Variants in HMGN5 observed in about 807,000 individuals in gnomAD.
The protein encoded by HMGN5 is high mobility group nucleosome-binding domain-containing protein 5.
Under a neutral mutation model 9.5 loss-of-function variants are expected in HMGN5, and 4 were observed. The observed-to-expected ratio is 0.42, with a 90% CI of 0.21 to 0.96. The LOEUF is 0.96. HMGN5 is among the 40% of genes least tolerant of loss of function. The pLI is 0.30. For synonymous variants in HMGN5, 55 were observed against 57.1 expected (o/e 0.96, Z 0.16); for missense variants, 192 against 187.5 (o/e 1.02, Z -0.14).
intron 1 of HMGN5, among the ~76,000 whole-genome samples, chrX:81,179,720 A>G (rs1199721651): frequency 7.2e-5 from 8 of 111,879 alleles, no homozygotes. Context: ...TTCATGTGGA[A>G]CCAAAAAAGA....
At position 81,154,106 on chromosome X, in the gene HMGN5, A is replaced by G. The variant is rs762649061; in HGVS notation, c.-123-32434T>C. 8.1e-5 allele frequency among the ~76,000 whole-genome samples: 9 copies of G among 111,093 alleles called. No homozygotes were observed. In the South Asian group the frequency reaches 3.4e-3, roughly 42 times the overall value. On this transcript the variant is annotated intron_variant, in intron 1 of 6. Coordinates refer to ENST00000358130, the MANE Select transcript of HMGN5 (RefSeq NM_030763.3). ...AAAACTGGAGGAATCCTATTACCTCACTTTAAATTCTACAGAGCTTTAGTA... is the reference window on the plus strand; with the variant it reads ...AAAACTGGAGGAATCCTATTACCTCGCTTTAAATTCTACAGAGCTTTAGTA...
intron 1 of HMGN5, among the ~76,000 whole-genome samples, chrX:81,192,754 AC>A (rs1450429941): frequency 1.8e-5 from 2 of 112,109 alleles, no homozygotes; most frequent in Non-Finnish European, 1.9e-5. Context: ...TTCTATGCTG[AC>A]AGTTATTATT....
At chrX:81,152,766 C>T (rs2075367526) in intron 1 of HMGN5, among the ~76,000 whole-genome samples, 1 of 109,348 alleles carries the variant, frequency 9.1e-6, no homozygotes, top group South Asian at 4.1e-4. Flanking sequence ...CAATGATAGA[C>T]TGGGTTAAGA....
intron 1 of HMGN5, among the ~76,000 whole-genome samples, chrX:81,171,645 T>C (rs778339197): frequency 1.2e-4 from 13 of 111,955 alleles, no homozygotes; most frequent in African/African-American, 4.2e-4. Context: ...GTTAAAGGTA[T>C]ACAACTGGAA....
At chrX:81,177,965 C>T (rs2075448295) in intron 1 of HMGN5, among the ~76,000 whole-genome samples, 1 of 112,016 alleles carries the variant, frequency 8.9e-6, no homozygotes, top group African/African-American at 3.2e-5. Flanking sequence ...TGAGTGACTA[C>T]TGGGTATGTA....
At chrX:81,115,401 T>C (rs1180038073) in intron 6 of HMGN5, among the ~76,000 whole-genome samples, 171 bp from the exon 7 acceptor site, 1 of 112,128 alleles carries the variant, frequency 8.9e-6, no homozygotes, top group Non-Finnish European at 1.9e-5. Context: ...GAGAAAACAT[T>C]CTAAGAAATG....
intron 1 of HMGN5, among the ~76,000 whole-genome samples, chrX:81,165,416 C>T (rs1947712546): frequency 9.0e-6 from 1 of 110,735 alleles, no homozygotes; most frequent in South Asian, 3.9e-4. Flanking sequence ...TAATTTTAGC[C>T]TTTTCGAGTC....
rs760488228 is a variant in HMGN5 at position 81,161,834 on chromosome X, G to T, written c.-124+39903C>A. On this transcript the variant is annotated intron_variant, in intron 1 of 6. Transcript: ENST00000358130. Reference sequence around the variant, plus strand: ...TATAGAGATGTGTAAAATACCACTTGGCTTCTTTTCACTGCATATGATAAA... The same window carrying T: ...TATAGAGATGTGTAAAATACCACTTTGCTTCTTTTCACTGCATATGATAAA... 4.9e-4 allele frequency among the ~76,000 whole-genome samples: 54 copies of T among 109,797 alleles called. 1 individual carries two copies. The highest frequency in any genetic ancestry group is 1.7e-3 in the African/African-American group (50 of 28,966).
intron 1 of HMGN5, among the ~76,000 whole-genome samples, chrX:81,155,122 T>A (rs2075379577): frequency 1.0e-5 from 1 of 99,002 alleles, no homozygotes. Context: ...CATACACATA[T>A]ATATATATAT....
At chrX:81,145,194 C>A (rs1320435342) in intron 1 of HMGN5, among the ~76,000 whole-genome samples, 1 of 111,620 alleles carries the variant, frequency 9.0e-6, no homozygotes, top group African/African-American at 3.3e-5. Context: ...GATACATAAT[C>A]ATCAGATTCA....
intron 1 of HMGN5, among the ~76,000 whole-genome samples, chrX:81,198,786 A>C (rs1216272962): frequency 8.9e-6 from 1 of 111,848 alleles, no homozygotes; most frequent in Non-Finnish European, 1.9e-5. Context: ...GAATGGACAA[A>C]AACTGGAAGC....
intron 1 of HMGN5, among the ~76,000 whole-genome samples, chrX:81,139,103 T>C (rs1236047362): frequency 8.9e-6 from 1 of 112,261 alleles, no homozygotes; most frequent in Non-Finnish European, 1.9e-5. Flanking sequence ...TTTGTAGACA[T>C]AGACATAAAC....
intron 1 of HMGN5, among the ~76,000 whole-genome samples, chrX:81,135,950 T>C (rs1469607742): frequency 9.0e-6 from 1 of 111,149 alleles, no homozygotes; most frequent in South Asian, 3.8e-4. Context: ...AAACAGGTTG[T>C]GTTATAAAAC....
intron 1 of HMGN5, among the ~76,000 whole-genome samples, chrX:81,143,637 G>A (rs1323147216): frequency 2.7e-5 from 3 of 112,215 alleles, no homozygotes; most frequent in East Asian, 2.8e-4. Flanking sequence ...AGTGCACTCC[G>A]GCCCAGATTC....
At chrX:81,200,958 T>C (rs1351982005) in intron 1 of HMGN5, among the ~76,000 whole-genome samples, 1 of 111,850 alleles carries the variant, frequency 8.9e-6, no homozygotes, top group Non-Finnish European at 1.9e-5. Flanking sequence ...TTTCTTCATC[T>C]GTAAAATTAA....
intron 1 of HMGN5, among the ~76,000 whole-genome samples, chrX:81,131,124 T>A (rs1346756235): frequency 8.9e-6 from 1 of 111,748 alleles, no homozygotes; most frequent in Non-Finnish European, 1.9e-5. Flanking sequence ...TATTTATTTT[T>A]CTTAGTACAC....
intron 5 of HMGN5, among the ~76,000 whole-genome samples, chrX:81,117,223 G>C (rs2075255975): frequency 9.4e-6 from 1 of 105,913 alleles, no homozygotes; most frequent in South Asian, 4.2e-4. Flanking sequence ...ATATGTTTTA[G>C]TCTAGCCCTA....
At chrX:81,178,158 G>C (rs929926081) in intron 1 of HMGN5, among the ~76,000 whole-genome samples, 3 of 111,317 alleles carry the variant, frequency 2.7e-5, no homozygotes, top group African/African-American at 9.8e-5. Context: ...GAAAGAACTA[G>C]AGAAACAAGA....
chrX:81,187,423 T>G lies in HMGN5; in HGVS notation c.-124+14314A>C, dbSNP rs182826977. Among the ~76,000 whole-genome samples the G allele has an allele frequency of 9.9e-4, 111 of 112,217 alleles. 1 individual carries two copies. The highest frequency in any genetic ancestry group is 3.4e-3 in the African/African-American group (104 of 30,942). ...ATTAAAAATTGTCATATTTTCTGAC[T>G]GTATTGACACTTTCATCATTATAGA... On this transcript the variant is annotated intron_variant, in intron 1 of 6. Transcript: ENST00000358130.
Sources: allele counts gnomAD v4.1 joint callset (sites outside exome capture counted in the v4.1 genomes callset), GRCh38; gene constraint gnomAD v4.1.1; transcripts MANE v1.5; gene names NCBI Gene and HGNC (gene_info 2026-07-23, HGNC 2026-07-21).